Variants in CA10 observed in about 807,000 individuals in gnomAD.
The protein encoded by CA10 is carbonic anhydrase 10 (inactive), also known as carbonic anhydrase-related protein 10.
CA10 carries 14 observed loss-of-function variants against 44.2 expected under a neutral mutation model. The ratio of observed to expected loss-of-function variants is 0.32; its 90% CI spans 0.21 to 0.50. The LOEUF is 0.50. Among genes scored for constraint, CA10 ranks in the 20% least tolerant of loss-of-function variants. CA10 has a pLI of 0.99. For missense variants in CA10, 350 were observed against 409.7 expected, an observed-to-expected ratio of 0.85 and a Z score of 1.26; for synonymous variants, 159 against 141.6, an observed-to-expected ratio of 1.12 and a Z score of -0.87.
At chr17:52,061,177 G>C (rs933548499) in intron 2 of CA10, among the ~76,000 whole-genome samples, 1 of 152,076 alleles carries the variant, frequency 6.6e-6, no homozygotes, top group Non-Finnish European at 1.5e-5. Context: ...CTTACGATGG[G>C]GAGATCATCC....
At chr17:52,152,675 T>G (rs1423418577) in intron 1 of CA10, among the ~76,000 whole-genome samples, 1 of 152,152 alleles carries the variant, frequency 6.6e-6, no homozygotes, top group African/African-American at 2.4e-5. Context: ...TTACTTTATA[T>G]CATTCTAAAC....
At chr17:51,881,242 G>GAAAAAA (rs11423498) in intron 3 of CA10, among the ~76,000 whole-genome samples, 1 of 123,688 alleles carries the variant, frequency 8.1e-6, no homozygotes, top group Non-Finnish European at 1.6e-5. Flanking sequence ...TCCGTCTCAA[G>GAAAAAA]AAAAAAAAAA....
At chr17:51,843,650 C>T (rs997585652) in intron 3 of CA10, among the ~76,000 whole-genome samples, 1 of 151,248 alleles carries the variant, frequency 6.6e-6, no homozygotes, top group Non-Finnish European at 1.5e-5. Flanking sequence ...ATTATATATG[C>T]CAACCTTTCC....
At chr17:51,861,499 C>T (rs1236777316) in intron 3 of CA10, among the ~76,000 whole-genome samples, 2 of 149,582 alleles carry the variant, frequency 1.3e-5, no homozygotes, top group Non-Finnish European at 3.0e-5. Context: ...TTTAAACCTG[C>T]TGAGTTTGAT....
chr17:51,778,894 G>A (rs1905932796), intron 3 of CA10, among the ~76,000 whole-genome samples: 1 of 152,182 alleles, frequency 6.6e-6, no homozygotes, highest in South Asian at 2.1e-4. Flanking sequence ...AGAAACACTG[G>A]AGCCTCGTGT....
chr17:51,913,793 G>T (rs1027432399), intron 3 of CA10, among the ~76,000 whole-genome samples: 3 of 152,110 alleles, frequency 2.0e-5, no homozygotes, highest in Non-Finnish European at 4.4e-5. Context: ...AAATACCATT[G>T]CAATCAAAGC....
intron 3 of CA10, among the ~76,000 whole-genome samples, chr17:51,791,519 G>A (rs1036197628): frequency 1.3e-5 from 2 of 152,162 alleles, no homozygotes; most frequent in Non-Finnish European, 1.5e-5. Context: ...ATTATAACAG[G>A]AGAATATCAA....
intron 2 of CA10, among the ~76,000 whole-genome samples, chr17:52,005,820 G>A (rs1331342039): frequency 6.6e-6 from 1 of 151,812 alleles, no homozygotes; most frequent in African/African-American, 2.4e-5. Flanking sequence ...ACAACCAGCG[G>A]CTGGAGAATG....
intron 1 of CA10, among the ~76,000 whole-genome samples, chr17:52,095,155 C>A (rs780209355): frequency 2.0e-5 from 3 of 152,096 alleles, no homozygotes; most frequent in Non-Finnish European, 4.4e-5. Flanking sequence ...ATCAACAATT[C>A]CTACCTTGAA....
chr17:51,767,368 A>G (rs1340784807), intron 3 of CA10, among the ~76,000 whole-genome samples: 2 of 152,208 alleles, frequency 1.3e-5, no homozygotes, highest in African/African-American at 2.4e-5. Context: ...GATATTTTGG[A>G]ATAATTTCAG....
At chr17:51,690,650 C>T (rs901864165) in intron 4 of CA10, among the ~76,000 whole-genome samples, 3 of 152,182 alleles carry the variant, frequency 2.0e-5, no homozygotes, top group African/African-American at 4.8e-5. Context: ...TGCTCTCTTG[C>T]CTGCTGCCAT....
chr17:51,699,734 G>A (rs1464141123), intron 4 of CA10, among the ~76,000 whole-genome samples: 2 of 152,154 alleles, frequency 1.3e-5, no homozygotes, highest in African/African-American at 4.8e-5. Context: ...TGCTGATCTT[G>A]TTACAATGAA....
At chr17:52,021,549 A>G (rs973609801) in intron 2 of CA10, among the ~76,000 whole-genome samples, 1 of 152,042 alleles carries the variant, frequency 6.6e-6, no homozygotes, top group South Asian at 2.1e-4. Context: ...TTCTCTGATA[A>G]TTAGTAATGT....
intron 2 of CA10, among the ~76,000 whole-genome samples, chr17:52,004,948 ACT>A (rs1434574586): frequency 6.6e-6 from 1 of 151,838 alleles, no homozygotes; most frequent in Non-Finnish European, 1.5e-5. Context: ...CAAGAACAAG[ACT>A]CTTTTTCCCC....
chr17:52,106,609 A>G (rs1412922628), intron 1 of CA10, among the ~76,000 whole-genome samples: 1 of 152,116 alleles, frequency 6.6e-6, no homozygotes, highest in African/African-American at 2.4e-5. Flanking sequence ...AGCTGCCTGG[A>G]TTTCTAGGGC....
At chr17:51,852,875 A>G (rs1246256832) in intron 3 of CA10, among the ~76,000 whole-genome samples, 1 of 152,210 alleles carries the variant, frequency 6.6e-6, no homozygotes, top group Non-Finnish European at 1.5e-5. Context: ...TTTTAAATTT[A>G]CTACTCCTAC....
intron 2 of CA10, among the ~76,000 whole-genome samples, chr17:51,964,926 AG>A (rs1567902734): frequency 1.3e-5 from 2 of 151,908 alleles, no homozygotes; most frequent in Non-Finnish European, 2.9e-5. Context: ...AAAGAAATTG[AG>A]ACCCCCCCAA....
chr17:52,040,915 G>C (rs765701314), intron 2 of CA10, among the ~76,000 whole-genome samples: 2 of 152,130 alleles, frequency 1.3e-5, no homozygotes, highest in Non-Finnish European at 1.5e-5. Context: ...CTGAAAAGAG[G>C]TAATCACAAC....
rs1907756736 is a variant in CA10, at chr17:51,820,937, G to A, written c.280-73119C>T. Among the ~76,000 whole-genome samples the A allele has an allele frequency of 2.0e-5, 3 of 151,886 alleles. 1 individual carries two copies. The highest frequency in any genetic ancestry group is 7.3e-5 in the African/African-American group (3 of 41,254). ...TAGCAAATCCAGTAGAAATCTTGAGGATTGTTACCCCAGGTGGAACTCCTT... is the reference window on the plus strand; with the variant it reads ...TAGCAAATCCAGTAGAAATCTTGAGAATTGTTACCCCAGGTGGAACTCCTT... On this transcript the variant is annotated intron_variant, in intron 3 of 8. Transcript: ENST00000451037.
Sources: gnomAD v4.1 joint callset for allele counts (sites outside exome capture counted in the v4.1 genomes callset) on GRCh38, gnomAD v4.1.1 for gene constraint, MANE v1.5 for transcripts, NCBI Gene and HGNC (gene_info 2026-07-23, HGNC 2026-07-21) for gene names.